The following TEX36 variants were observed in gnomAD, a reference collection of about 807,000 sequenced individuals.
The protein encoded by TEX36 is testis expressed 36.
Under a neutral mutation model 13.6 loss-of-function variants are expected in TEX36, and 12 were observed. That is an observed-to-expected ratio of 0.88 (90% CI 0.56 to 1.43). The LOEUF is 1.43. TEX36 is among the 40% of genes most tolerant of loss of function. The probability of loss-of-function intolerance (pLI) is 0.00; values close to 1 mark genes in which losing one functional copy is unlikely to be tolerated. For missense variants in TEX36, 224 were observed against 228.3 expected (o/e 0.98, Z 0.12); for synonymous variants, 93 against 83.0 (o/e 1.12, Z -0.65).
At chr10:125,666,172 A>G (rs1033272248) in intron 1 of TEX36, among the ~76,000 whole-genome samples, 1 of 152,064 alleles carries the variant, frequency 6.6e-6, no homozygotes, top group African/African-American at 2.4e-5. Flanking sequence ...TTCTTTTCCA[A>G]TTTGGATGCT....
intron 3 of TEX36, among the ~76,000 whole-genome samples, chr10:125,596,130 T>G (rs1254710869): frequency 1.3e-5 from 2 of 152,244 alleles, no homozygotes; most frequent in Non-Finnish European, 2.9e-5. Flanking sequence ...AATGTGCTGA[T>G]GTAACTGTGG....
At chr10:125,636,366 C>G (rs969992868) in intron 3 of TEX36, among the ~76,000 whole-genome samples, 3 of 149,510 alleles carry the variant, frequency 2.0e-5, no homozygotes, top group Non-Finnish European at 4.4e-5. Context: ...CTACCACACC[C>G]GGCTAATTTT....
At chr10:125,620,651 G>C (rs903189052), downstream of TEX36, among the ~76,000 whole-genome samples, 1 of 152,202 alleles carries the variant, frequency 6.6e-6, no homozygotes, top group Non-Finnish European at 1.5e-5. Flanking sequence ...AAGATAAAAT[G>C]TGTCAGCTTA....
At chr10:125,583,649 A>G (rs1306287156) in intron 3 of TEX36, among the ~76,000 whole-genome samples, 1 of 152,204 alleles carries the variant, frequency 6.6e-6, no homozygotes, top group African/African-American at 2.4e-5. Flanking sequence ...AAGCCCATCT[A>G]TTTTGGTTAA....
chr10:125,674,000 T>C (rs1437551685), intron 1 of TEX36, among the ~76,000 whole-genome samples: 3 of 152,194 alleles, frequency 2.0e-5, no homozygotes, highest in Non-Finnish European at 2.9e-5. Context: ...CTGGATGATA[T>C]CCTGAAGTAC....
Position 125,656,028 on chromosome 10 carries a change from G to C in TEX36, c.433C>G (p.Arg145Gly), listed in dbSNP as rs1010745853. The change falls in exon 4 of 4, where the codon CGA (arginine) becomes GGA (glycine). Residue 145 changes from arginine to glycine, a missense_variant. By Grantham distance (125) the Arg-to-Gly change is moderately radical. Transcript: ENST00000368821. ...MVVSSFRRFP[R>G]CYKEIWNAFT... ...GCGTTCCATATCTCTTTATAGCATC[G>C]TGGAAAGCGTCTGAAGCTTGAGACC... The C allele has an allele frequency of 1.3e-5, 20 of 1,551,686 alleles. No individual in the cohort carries two copies. Among genetic ancestry groups the C allele is most frequent in the Non-Finnish European group, 1.7e-5 (19 of 1,147,018 alleles).
At chr10:125,666,869 C>T in intron 1 of TEX36, 1 of 374,334 alleles carries the variant, frequency 2.7e-6, no homozygotes, top group East Asian at 5.4e-5. Context: ...CGGGGAACAC[C>T]TCCACTTAGT....
At chr10:125,632,842 A>T (rs1426631529) in intron 3 of TEX36, among the ~76,000 whole-genome samples, 1 of 152,150 alleles carries the variant, frequency 6.6e-6, no homozygotes, top group Non-Finnish European at 1.5e-5. Flanking sequence ...AATTACATGC[A>T]CACTGGCCAG....
intron 3 of TEX36, among the ~76,000 whole-genome samples, chr10:125,639,887 T>TA (rs1216520000): frequency 2.0e-5 from 3 of 152,202 alleles, no homozygotes; most frequent in African/African-American, 7.2e-5. Context: ...CGGCAGATGT[T>TA]AGAGAGGGAT....
intron 3 of TEX36, among the ~76,000 whole-genome samples, chr10:125,609,891 A>T (rs1846269390): frequency 6.6e-6 from 1 of 152,210 alleles, no homozygotes; most frequent in African/African-American, 2.4e-5. Flanking sequence ...TTCACAAGAT[A>T]CAGGTCACGA....
chr10:125,635,479 C>A (rs1261710180), intron 3 of TEX36, among the ~76,000 whole-genome samples: 1 of 152,214 alleles, frequency 6.6e-6, no homozygotes, highest in African/African-American at 2.4e-5. Flanking sequence ...TAGACCAAGA[C>A]CAGCCTTGAC....
At chr10:125,629,506 A>AT (rs938552095) in intron 3 of TEX36, among the ~76,000 whole-genome samples, 7 of 152,270 alleles carry the variant, frequency 4.6e-5, no homozygotes, top group Middle Eastern at 6.8e-3. Flanking sequence ...ATTTAATCCA[A>AT]TTATGAAATA....
At chr10:125,633,597 C>T (rs1362134008) in intron 3 of TEX36, among the ~76,000 whole-genome samples, 1 of 152,204 alleles carries the variant, frequency 6.6e-6, no homozygotes, top group African/African-American at 2.4e-5. Flanking sequence ...TCCCCATAAG[C>T]AGACGGCTTT....
At chr10:125,672,380 A>G (rs1268228184) in intron 1 of TEX36, among the ~76,000 whole-genome samples, 1 of 152,152 alleles carries the variant, frequency 6.6e-6, no homozygotes, top group East Asian at 1.9e-4. Context: ...CCTTAATTTC[A>G]TTATTTTTCC....
chr10:125,679,861 G>C (rs115016454), intron 1 of TEX36, among the ~76,000 whole-genome samples: 1 of 152,044 alleles, frequency 6.6e-6, no homozygotes, highest in Non-Finnish European at 1.5e-5. Context: ...ATTATTTTAC[G>C]GTAGCTTTGG....
chr10:125,592,290 G>T (rs941860187), intron 3 of TEX36, among the ~76,000 whole-genome samples: 1 of 152,236 alleles, frequency 6.6e-6, no homozygotes, highest in Admixed American at 6.5e-5. Context: ...GAAGCCAGAC[G>T]TGCGTTAGGC....
intron 3 of TEX36, among the ~76,000 whole-genome samples, chr10:125,641,794 T>A (rs1311064177): frequency 6.6e-6 from 1 of 152,228 alleles, no homozygotes; most frequent in Non-Finnish European, 1.5e-5. Flanking sequence ...GTTGTTGTAT[T>A]GGGGACATCT....
intron 1 of TEX36, among the ~76,000 whole-genome samples, chr10:125,669,339 G>A (rs746964832): frequency 6.6e-6 from 1 of 151,736 alleles, no homozygotes; most frequent in Admixed American, 6.6e-5. Flanking sequence ...ACTTAGCTGG[G>A]CATGGTGGCA....
At chr10:125,675,508 A>T (rs1177936277) in intron 1 of TEX36, among the ~76,000 whole-genome samples, 2 of 152,090 alleles carry the variant, frequency 1.3e-5, no homozygotes, top group African/African-American at 4.8e-5. Context: ...TGTGCTTGGG[A>T]CCTAAGGCCC....
Sources: allele counts gnomAD v4.1 joint callset (sites outside exome capture counted in the v4.1 genomes callset), GRCh38; gene constraint gnomAD v4.1.1; transcripts MANE v1.5; gene names NCBI Gene and HGNC (gene_info 2026-07-23, HGNC 2026-07-21).